Variants in SYNE4 observed in about 807,000 individuals in gnomAD.
The protein encoded by SYNE4 is nesprin-4.
A neutral mutation model predicts 46.9 loss-of-function variants in SYNE4; 41 were observed. The ratio of observed to expected loss-of-function variants is 0.87; its 90% CI spans 0.68 to 1.13. The LOEUF is 1.13. Ranked by LOEUF, SYNE4 falls within the 50% of genes most tolerant of loss-of-function variation. SYNE4 has a pLI of 0.00. For missense variants in SYNE4, 492 were observed against 514.8 expected (o/e 0.96, Z 0.43); for synonymous variants, 221 against 219.5 (o/e 1.01, Z -0.06).
chr19:36,003,522 T>A lies in SYNE4; in HGVS notation c.1032-2A>T, dbSNP rs202107534. 2.2e-4 allele frequency: 350 copies of A among 1,596,966 alleles called. No homozygotes were observed. Among genetic ancestry groups the A allele is most frequent in the Non-Finnish European group, 2.9e-4 (345 of 1,171,364 alleles). On this transcript the variant is annotated splice_acceptor_variant, in intron 7 of 7. Coordinates refer to ENST00000324444, the MANE Select transcript of SYNE4 (RefSeq NM_001039876.3). LOFTEE classifies it high-confidence loss of function. ...TGCCTGGATGCAGGATCGGGGGCCC[T>A]GTGAAGGGAAATGCAGTGTTAAACA...
At chr19:36,005,248 C>A in intron 6 of SYNE4, 85 bp downstream of exon 6, 4 of 1,387,292 alleles carry the variant, frequency 2.9e-6, no homozygotes, top group South Asian at 2.5e-5. Flanking sequence ...ATAGCATTCC[C>A]TTTCTTGTGC....
rs1976852967 is a variant in SYNE4 at position 36,006,435 on chromosome 19, TC to T, written c.854del (p.Gly285AspfsTer27). The T allele has an allele frequency of 1.2e-6, 2 of 1,610,046 alleles. No individual in the cohort carries two copies. The highest frequency in any genetic ancestry group is 1.3e-5 in the African/African-American group (1 of 74,810). ...GGTCTGCTCTCACCTCAAGGCCTTG[TC>T]CCCTGCCCTGGGGCCCCCTCTGGCC... ...LCGQRGPQGR[G>X]QGLEEADTSH... On this transcript the variant is annotated frameshift_variant, in exon 5 of 8. Coordinates refer to ENST00000324444, the MANE Select transcript of SYNE4 (RefSeq NM_001039876.3). LOFTEE classifies it high-confidence loss of function.
At chr19:36,006,204 G>T (rs1448272002) in intron 5 of SYNE4, 9 of 581,370 alleles carry the variant, frequency 1.5e-5, no homozygotes, top group Non-Finnish European at 2.5e-5. Context: ...TCATCTGGGG[G>T]CCTCAGGATA....
chr19:36,006,627 C>T lies in SYNE4; in HGVS notation c.663G>A (p.Glu221=), dbSNP rs1382162644. Residue 221 remains glutamate, a synonymous_variant, in exon 5 of 8, where the codon GAG becomes GAA. Transcript: ENST00000324444. ...CAGGTCCTGGCCAGTCCGAGTCTCC[C>T]TCGACCTCCAAGTCCTGGTCCAGCG... The part of the protein sequence containing the change: ...ANTLDQDLEV[E]GDSDWPGPGG... 3.1e-6 allele frequency: 5 copies of T among 1,610,188 alleles called. No homozygotes were observed. The highest frequency in any genetic ancestry group is 4.2e-6 in the Non-Finnish European group (5 of 1,178,030).
At chr19:36,004,582 C>T (rs982435890) in intron 6 of SYNE4, among the ~76,000 whole-genome samples, 3 of 152,182 alleles carry the variant, frequency 2.0e-5, no homozygotes, top group African/African-American at 7.2e-5. Context: ...AGCTGACAGC[C>T]ACCTCCCCAA....
Position 36,008,701 on chromosome 19 carries a change from C to A in SYNE4, c.-20G>T, listed in dbSNP as rs1448189196. Reference sequence around the variant, plus strand: ...GGCCATGGCTGGGGGCCTGGGGACACAAAGTCAGGTGAGGGCAGCCAGTAA... The same window carrying A: ...GGCCATGGCTGGGGGCCTGGGGACAAAAAGTCAGGTGAGGGCAGCCAGTAA... On this transcript the variant is annotated 5_prime_UTR_variant, in exon 1 of 8. Coordinates refer to ENST00000324444, the MANE Select transcript of SYNE4 (RefSeq NM_001039876.3). 1 of 1,598,682 alleles carries A rather than the reference C, an allele frequency of 6.3e-7. No individual in the cohort carries two copies. Among genetic ancestry groups the A allele is most frequent in the Non-Finnish European group, 8.5e-7 (1 of 1,173,028 alleles).
In SYNE4 at chr19:36,006,449, G is replaced by T. The variant is rs375616150; in HGVS notation, c.841C>A (p.Pro281Thr). The T allele has an allele frequency of 4.3e-6, 7 of 1,611,104 alleles. No homozygotes were observed. In the African/African-American group the frequency reaches 8.0e-5, roughly 18 times the overall value. Residue 281 changes from proline (P) to threonine (T), a missense_variant, in exon 5 of 8, where the codon CCC (proline) becomes ACC (threonine). Physicochemically the swap from Pro to Thr is conservative, Grantham distance 38. Transcript: ENST00000324444. ...VPCELCGQRG[P>T]QGRGQGLEEA... ...TCAAGGCCTTGTCCCCTGCCCTGGG[G>T]CCCCCTCTGGCCACACAGCTCACAG... is the stretch of plus-strand genomic sequence containing the variant.
rs760205161 is a variant in SYNE4 at position 36,008,690 on chromosome 19, G to A, written c.-9C>T. The stretch of plus-strand genomic sequence containing the variant: ...GGCAGGGACAGGGCCATGGCTGGGG[G>A]CCTGGGGACACAAAGTCAGGTGAGG... On this transcript the variant is annotated 5_prime_UTR_variant, in exon 1 of 8. Transcript: ENST00000324444. The A allele has an allele frequency of 6.2e-6, 10 of 1,604,174 alleles. No individual in the cohort carries two copies. The highest frequency in any genetic ancestry group is 5.6e-5 in the South Asian group (5 of 90,026).
At position 36,006,479 on chromosome 19, in the gene SYNE4, C is replaced by G. The variant is rs771517437; in HGVS notation, c.811G>C (p.Val271Leu). The G allele has an allele frequency of 3.1e-6, 5 of 1,612,668 alleles. No homozygotes were observed. Among genetic ancestry groups the G allele is most frequent in the Non-Finnish European group, 4.2e-6 (5 of 1,179,410 alleles). ...CTCTGGCCACACAGCTCACAGGGCACTCCTAGTGTCCGGGCTGTCTTTTGT... is the reference window on the plus strand; with the variant it reads ...CTCTGGCCACACAGCTCACAGGGCAGTCCTAGTGTCCGGGCTGTCTTTTGT... ...LGQKTARTLG[V>L]PCELCGQRGP... Residue 271 changes from valine to leucine, a missense_variant, in exon 5 of 8, where the codon GTG becomes CTG. By Grantham distance (32) the Val-to-Leu change is conservative (BLOSUM62 1). Coordinates refer to ENST00000324444, the MANE Select transcript of SYNE4 (RefSeq NM_001039876.3).
At chr19:36,004,964 G>A (rs1051117775) in intron 6 of SYNE4, among the ~76,000 whole-genome samples, 2 of 125,086 alleles carry the variant, frequency 1.6e-5, no homozygotes, top group African/African-American at 3.0e-5. Context: ...CGCAACCTCC[G>A]CCTCCCGGGC....
Position 36,006,684 on chromosome 19 carries a change from A to T in SYNE4, c.619-13T>A. ...CCTCCTCGAACACCTGGGTCAAAGG[A>T]CAGAGGTCATGGAGGCTATGAGGTT... On this transcript the variant is annotated splice_polypyrimidine_tract_variant and intron_variant, in intron 4 of 7. Coordinates refer to ENST00000324444, the MANE Select transcript of SYNE4 (RefSeq NM_001039876.3). 1 of 1,594,042 alleles carries T rather than the reference A, an allele frequency of 6.3e-7. No homozygotes were observed. Among genetic ancestry groups the T allele is most frequent in the Non-Finnish European group, 8.6e-7 (1 of 1,168,086 alleles).
intron 6 of SYNE4, 60 bp downstream of exon 6, chr19:36,005,273 G>C: frequency 6.6e-7 from 1 of 1,526,166 alleles, no homozygotes; most frequent in Non-Finnish European, 9.0e-7. Context: ...TGATTTCTTG[G>C]GTTTCTGTCA....
At chr19:36,004,451 G>A (rs565540387) in intron 6 of SYNE4, among the ~76,000 whole-genome samples, 16 of 152,216 alleles carry the variant, frequency 1.1e-4, no homozygotes, top group Admixed American at 3.3e-4. Context: ...TCCAAGTGTA[G>A]TGGATGTCTG....
At chr19:36,007,822 G>C (rs919485179) in intron 2 of SYNE4, among the ~76,000 whole-genome samples, 2 of 151,790 alleles carry the variant, frequency 1.3e-5, no homozygotes, top group Admixed American at 6.6e-5. Flanking sequence ...TCGGGAGTTC[G>C]AGACTAGCCT....
intron 1 of SYNE4, 68 bp from the exon 2 acceptor site, chr19:36,008,435 C>T: frequency 1.3e-6 from 2 of 1,581,320 alleles, no homozygotes; most frequent in South Asian, 2.3e-5. Flanking sequence ...GTCACCCCAA[C>T]CCTGGTGGCC....
rs200616477 is a variant in SYNE4 at position 36,006,490 on chromosome 19, C to T, written c.800G>A (p.Arg267Gln). 2.3e-4 allele frequency: 364 copies of T among 1,611,602 alleles called. 1 individual carries two copies. Among genetic ancestry groups the T allele is most frequent in the Middle Eastern group, 1.7e-4 (1 of 5,984 alleles). Residue 267 changes from arginine to glutamine, a missense_variant, in exon 5 of 8, where the codon CGG becomes CAG. Arg to Gln is a conservative substitution (Grantham distance 43, BLOSUM62 1). Coordinates refer to ENST00000324444, the MANE Select transcript of SYNE4 (RefSeq NM_001039876.3). ...GLGPLGQKTA[R>Q]TLGVPCELCG... is the part of the protein sequence containing the mutation. ...CAGCTCACAGGGCACTCCTAGTGTC[C>T]GGGCTGTCTTTTGTCCCAAGGGCCC... is the stretch of plus-strand genomic sequence containing the variant.
At chr19:36,007,095 C>T (rs775032015) in intron 3 of SYNE4, 30 bp downstream of exon 3, 28 of 1,587,262 alleles carry the variant, frequency 1.8e-5, no homozygotes, top group Non-Finnish European at 2.2e-5. Flanking sequence ...GGGCCGTGCC[C>T]ACCCCCACAT....
At chr19:36,003,815 G>A in intron 6 of SYNE4, 144 bp from the exon 7 acceptor site, 5 of 1,225,510 alleles carry the variant, frequency 4.1e-6, no homozygotes, top group Non-Finnish European at 5.7e-6. Flanking sequence ...AGCCTCCCGG[G>A]TTCAAGCAAT....
rs1191775484 is a variant in SYNE4 at position 36,007,189 on chromosome 19, A to G, written c.359T>C (p.Leu120Pro). 2.5e-6 allele frequency: 4 copies of G among 1,585,648 alleles called. No homozygotes were observed. Among genetic ancestry groups the G allele is most frequent in the Non-Finnish European group, 3.4e-6 (4 of 1,166,364 alleles). Residue 120 changes from leucine to proline, a missense_variant, in exon 3 of 8, where the codon CTG becomes CCG. Transcript: ENST00000324444. ...HLCLLGLGRR[L>P]QDLEQGLGHW... ...CCCCAGGCCTTGCTCCAGGTCCTGC[A>G]GCCGGCGGCCCAGCCCCAGCAGGCA... is the stretch of plus-strand genomic sequence containing the variant.
Sources: gnomAD v4.1 joint callset for allele counts (sites outside exome capture counted in the v4.1 genomes callset) on GRCh38, gnomAD v4.1.1 for gene constraint, MANE v1.5 for transcripts, NCBI Gene and HGNC (gene_info 2026-07-23, HGNC 2026-07-21) for gene names.